Variants in MUC20 observed in about 807,000 individuals in gnomAD.
MUC20 encodes mucin-20.
MUC20 carries 14 observed loss-of-function variants against 23.8 expected under a neutral mutation model. The observed-to-expected ratio is 0.59, with a 90% CI of 0.39 to 0.92. MUC20 has a LOEUF of 0.92. MUC20 is among the 40% of genes least tolerant of loss of function. The probability of loss-of-function intolerance (pLI) is 0.00; values close to 1 mark genes in which losing one functional copy is unlikely to be tolerated. For synonymous variants in MUC20, 166 were observed against 279.3 expected (o/e 0.59, Z 4.04); for missense variants, 375 against 668.8 (o/e 0.56, Z 4.85).
intron 3 of MUC20, 109 bp downstream of exon 3, chr3:195,729,848 A>G (rs1230237374): frequency 3.7e-5 from 40 of 1,070,736 alleles, no homozygotes; most frequent in Non-Finnish European, 5.0e-5. Flanking sequence ...CTTGGAAGGG[A>G]GTCTCGTTTC....
chr3:195,730,083 G>T, intron 3 of MUC20: 2 of 157,372 alleles, frequency 1.3e-5, no homozygotes, highest in Non-Finnish European at 2.5e-5. Flanking sequence ...AGAAACCCAA[G>T]TCAGGGCAGT....
At chr3:195,727,401 A>G (rs1341198913) in intron 2 of MUC20, among the ~76,000 whole-genome samples, 4 of 152,260 alleles carry the variant, frequency 2.6e-5, no homozygotes, top group African/African-American at 9.6e-5. Context: ...AAATAAGCAA[A>G]TACAGCGAAG....
chr3:195,733,312 G>C lies in MUC20; in HGVS notation c.*94G>C, dbSNP rs1713594909. The C allele has an allele frequency of 2.6e-6, 4 of 1,538,404 alleles. No individual in the cohort carries two copies. The highest frequency in any genetic ancestry group is 2.4e-5 in the South Asian group (2 of 82,232). On this transcript the variant is annotated 3_prime_UTR_variant, in exon 4 of 4. Coordinates refer to ENST00000447234, the MANE Select transcript of MUC20 (RefSeq NM_001282506.2). ...ACCGACAGACTGCAGCTGCGTTACT[G>C]TGCTGAGAGGTACCCAGAAGGTTCC...
At position 195,733,333 on chromosome 3, in the gene MUC20, G is replaced by A. The variant is rs549083769; in HGVS notation, c.*115G>A. 24 of 1,518,610 alleles carry A rather than the reference G, an allele frequency of 1.6e-5. No homozygotes were observed. In the Admixed American group the frequency reaches 3.6e-4, roughly 23 times the overall value. The allele number at this position is 1,518,610 out of a possible 1,614,324, so 94.1% of individuals were successfully genotyped here. ...TACTGTGCTGAGAGGTACCCAGAAG[G>A]TTCCCATGAAGGGCAGCATGTCCAA... On this transcript the variant is annotated 3_prime_UTR_variant, in exon 4 of 4. Coordinates refer to ENST00000447234, the MANE Select transcript of MUC20 (RefSeq NM_001282506.2).
At chr3:195,730,012 T>C in intron 3 of MUC20, 1 of 483,986 alleles carries the variant, frequency 2.1e-6, no homozygotes, top group Non-Finnish European at 3.7e-6. Context: ...CCTTCTGGCC[T>C]CTGAGGCAAA....
rs777714253 is a variant in MUC20 at position 195,733,156 on chromosome 3, C to T, written c.2068C>T (p.Arg690Trp). The change falls in exon 4 of 4, where the codon CGG (arginine) becomes TGG (tryptophan). Residue 690 changes from arginine (R) to tryptophan (W), a missense_variant. By Grantham distance (101) the Arg-to-Trp change is moderately radical. This residue lies in a region of MUC20 where 343 missense variants were observed against 340.2 expected (regional missense o/e 1.01). Coordinates refer to ENST00000447234, the MANE Select transcript of MUC20 (RefSeq NM_001282506.2). Reference protein sequence around the residue: ...VAERLMQQLHRELHAHAPHFQ... With the variant: ...VAERLMQQLHWELHAHAPHFQ... ...TGGCTCTTTTGCTCTCCAGCTCCAC[C>T]GGGAACTCCACGCCCACGCGCCTCA... The T allele has an allele frequency of 2.8e-5, 45 of 1,589,888 alleles. No homozygotes were observed. The highest frequency in any genetic ancestry group is 9.3e-5 in the East Asian group (4 of 42,986).
chr3:195,733,057 G>T, intron 3 of MUC20, 93 bp from the exon 4 acceptor site: 5 of 1,373,246 alleles, frequency 3.6e-6, no homozygotes, highest in Non-Finnish European at 3.0e-6. Flanking sequence ...TCCTCCGCAT[G>T]CACTCTGCCC....
rs549161490 is a variant in MUC20, at chr3:195,732,399, G to A, written c.2062-751G>A. 3.4e-4 allele frequency among the ~76,000 whole-genome samples: 51 copies of A among 148,560 alleles called. No homozygotes were observed. In the South Asian group the frequency reaches 5.0e-3, roughly 15 times the overall value. The stretch of plus-strand genomic sequence containing the variant: ...TCTTGAGACAGATTCTCGCTCTGTC[G>A]TCCAGGCTGGAGTGCAATGGCACGA... On this transcript the variant is annotated intron_variant, in intron 3 of 3. Transcript: ENST00000447234.
At chr3:195,731,230 G>C (rs539823154) in intron 3 of MUC20, among the ~76,000 whole-genome samples, 1 of 152,234 alleles carries the variant, frequency 6.6e-6, no homozygotes, top group Admixed American at 6.5e-5. Context: ...CAGTCAATGG[G>C]TGCCACACTG....
At chr3:195,733,004 C>T in intron 3 of MUC20, 146 bp from the exon 4 acceptor site, 1 of 816,028 alleles carries the variant, frequency 1.2e-6, no homozygotes, top group Non-Finnish European at 2.0e-6. Flanking sequence ...GTGTGAGGCA[C>T]CAGCCTGTGT....
chr3:195,721,354 C>T (rs1291088057), intron 1 of MUC20, among the ~76,000 whole-genome samples: 1 of 152,062 alleles, frequency 6.6e-6, no homozygotes, highest in African/African-American at 2.4e-5. Context: ...ACACGCTAAT[C>T]AACCATGACG....
At position 195,726,586 on chromosome 3, in the gene MUC20, G is replaced by A; in HGVS notation, c.1969+14G>A. The A allele has an allele frequency of 6.3e-7, 1 of 1,599,958 alleles. No homozygotes were observed. Among genetic ancestry groups the A allele is most frequent in the Non-Finnish European group, 8.5e-7 (1 of 1,170,706 alleles). The stretch of plus-strand genomic sequence containing the variant: ...ACGTGAGTGCAGGTAAGTGGCTCCT[G>A]CTGGTGATCTTCGGGGATTTGGGAT... On this transcript the variant is annotated intron_variant, in intron 2 of 3. Transcript: ENST00000447234.
intron 2 of MUC20, among the ~76,000 whole-genome samples, chr3:195,728,244 C>T (rs1334332402): frequency 6.6e-6 from 1 of 152,284 alleles, no homozygotes; most frequent in Non-Finnish European, 1.5e-5. Context: ...CAAGGACCTG[C>T]ACCGGCACCA....
chr3:195,727,602 A>G, intron 2 of MUC20, among the ~76,000 whole-genome samples: 1 of 152,278 alleles, frequency 6.6e-6, no homozygotes, highest in East Asian at 1.9e-4. Flanking sequence ...GGGAGGTGGG[A>G]ATACAAATAT....
chr3:195,726,569 G>A lies in MUC20; in HGVS notation c.1966G>A (p.Ala656Thr). ...ARTRPTTDVS[A>T]GENGGFLLLR... ...GACGAGGCCGACCACAGACGTGAGT[G>A]CAGGTAAGTGGCTCCTGCTGGTGAT... Residue 656 changes from alanine to threonine, a missense_variant, in exon 2 of 4, where the codon GCA becomes ACA. By Grantham distance (58) the Ala-to-Thr change is moderately conservative (BLOSUM62 0). Coordinates refer to ENST00000447234, the MANE Select transcript of MUC20 (RefSeq NM_001282506.2). 1 of 1,608,870 alleles carries A rather than the reference G, an allele frequency of 6.2e-7. No homozygotes were observed. Among genetic ancestry groups the A allele is most frequent in the Non-Finnish European group, 8.5e-7 (1 of 1,176,390 alleles).
At chr3:195,728,836 G>A (rs1488739150) in intron 2 of MUC20, among the ~76,000 whole-genome samples, 1 of 151,886 alleles carries the variant, frequency 6.6e-6, no homozygotes, top group Non-Finnish European at 1.5e-5. Flanking sequence ...ATTGAGACTA[G>A]AGAATGGCGA....
At chr3:195,723,099 G>C (rs1448858967) in intron 1 of MUC20, among the ~76,000 whole-genome samples, 1 of 151,584 alleles carries the variant, frequency 6.6e-6, no homozygotes, top group African/African-American at 2.4e-5. Flanking sequence ...GGCTGGGAGG[G>C]GTCTAGAGAC....
Position 195,733,487 on chromosome 3 carries a change from A to G in MUC20, c.*269A>G. ...TTGGCACATGTTCTGTGTTTCAGTA[A>G]AGAGAGACCTGATCACCCATCTGTG... On this transcript the variant is annotated 3_prime_UTR_variant, in exon 4 of 4. Coordinates refer to ENST00000447234, the MANE Select transcript of MUC20 (RefSeq NM_001282506.2). 7.2e-7 allele frequency: 1 copy of G among 1,390,782 alleles called. No homozygotes were observed. Among genetic ancestry groups the G allele is most frequent in the South Asian group, 1.7e-5 (1 of 58,458 alleles). 86.2% of individuals were successfully genotyped at this position (1,390,782 alleles called of 1,614,324 possible). A position where few individuals can be genotyped will look rare whatever the true frequency, so the allele number is the denominator to read the frequency against.
chr3:195,728,611 T>C (rs1478807772), intron 2 of MUC20, among the ~76,000 whole-genome samples: 4 of 152,090 alleles, frequency 2.6e-5, no homozygotes, highest in South Asian at 2.1e-4. Context: ...CAGGAGACAG[T>C]GGCCTTCCTC....
Sources: gnomAD v4.1 joint callset for allele counts (sites outside exome capture counted in the v4.1 genomes callset) on GRCh38, gnomAD v4.1.1 for gene constraint, gnomAD v4.1.1 regional missense constraint, MANE v1.5 for transcripts, NCBI Gene and HGNC (gene_info 2026-07-23, HGNC 2026-07-21) for gene names.